FBXW7: variants seen among roughly 807,000 people sequenced by gnomAD.
FBXW7 encodes the protein F-box/WD repeat-containing protein 7.
A neutral mutation model predicts 86.3 loss-of-function variants in FBXW7; 11 were observed. The observed-to-expected ratio is 0.13, with a 90% CI of 0.08 to 0.21. The LOEUF is 0.21. Ranked by LOEUF, FBXW7 falls within the 10% of genes least tolerant of loss-of-function variation. The probability of loss-of-function intolerance (pLI) is 1.00; values close to 1 mark genes in which losing one functional copy is unlikely to be tolerated. For missense variants in FBXW7, 488 were observed against 847.4 expected (o/e 0.58, Z 5.27); for synonymous variants, 313 against 297.9 (o/e 1.05, Z -0.52).
chr4:152,490,018 G>C (rs1745688710), intron 2 of FBXW7, among the ~76,000 whole-genome samples: 1 of 152,092 alleles, frequency 6.6e-6, no homozygotes, highest in Non-Finnish European at 1.5e-5. Flanking sequence ...AATGGAACTA[G>C]AAGTCGCTAC....
intron 2 of FBXW7, among the ~76,000 whole-genome samples, chr4:152,431,454 G>A (rs1055236301): frequency 6.6e-6 from 1 of 152,120 alleles, no homozygotes; most frequent in Non-Finnish European, 1.5e-5. Flanking sequence ...AAAGCACAGG[G>A]GATTCAGCTA....
chr4:152,462,945 A>G (rs1332230035), intron 2 of FBXW7, among the ~76,000 whole-genome samples: 1 of 143,812 alleles, frequency 7.0e-6, no homozygotes, highest in Non-Finnish European at 1.5e-5. Flanking sequence ...TTAATCTCAC[A>G]TAGTACACTG....
At chr4:152,384,743 G>A (rs1202137621) in intron 4 of FBXW7, among the ~76,000 whole-genome samples, 1 of 151,866 alleles carries the variant, frequency 6.6e-6, no homozygotes, top group Non-Finnish European at 1.5e-5. Context: ...GATTGAAAAT[G>A]GAATAATCAT....
intron 7 of FBXW7, 59 bp from the exon 8 acceptor site, chr4:152,332,778 T>C: frequency 1.2e-6 from 1 of 812,146 alleles, no homozygotes; most frequent in Non-Finnish European, 1.6e-6. Context: ...TATTATATAA[T>C]AAGTTAATTA....
rs2126548342 is a variant in FBXW7, at chr4:152,332,638, C to T, written c.943G>A (p.Ala315Thr). The T allele has an allele frequency of 6.2e-7, 1 of 1,606,552 alleles. No individual in the cohort carries two copies. Among genetic ancestry groups the T allele is most frequent in the South Asian group, 1.1e-5 (1 of 90,744 alleles). Residue 315 changes from alanine (A) to threonine (T), a missense_variant, in exon 8 of 14, where the codon GCT (alanine) becomes ACT (threonine). Physicochemically the swap from Ala to Thr is moderately conservative, Grantham distance 58. Around this residue, in one of 4 missense-constraint regions of FBXW7, gnomAD observed 59 missense variants for 137.9 expected, o/e 0.43. Transcript: ENST00000281708. ...AQTCRYWRIL[A>T]EDNLLWREKC... The stretch of plus-strand genomic sequence containing the variant: ...TCTCTCCAGAGAAGGTTGTCTTCAG[C>T]CAAAATTCTCCAGTAGCGACATGTC...
At chr4:152,355,096 GAAT>G (rs1732239566) in intron 4 of FBXW7, among the ~76,000 whole-genome samples, 1 of 152,020 alleles carries the variant, frequency 6.6e-6, no homozygotes. Context: ...CAAATTAACA[GAAT>G]AAAAATGATT....
intron 2 of FBXW7, among the ~76,000 whole-genome samples, chr4:152,453,760 T>C (rs1488151937): frequency 6.6e-6 from 1 of 152,118 alleles, no homozygotes; most frequent in Non-Finnish European, 1.5e-5. Flanking sequence ...TGAACAAAAT[T>C]TGAATTTTTT....
intron 4 of FBXW7, among the ~76,000 whole-genome samples, chr4:152,403,948 AG>A (rs1737179471): frequency 6.6e-6 from 1 of 152,258 alleles, no homozygotes; most frequent in Non-Finnish European, 1.5e-5. Context: ...AACTCTTCAA[AG>A]AAAACAATAA....
intron 2 of FBXW7, among the ~76,000 whole-genome samples, chr4:152,494,867 G>A (rs1746178362): frequency 6.6e-6 from 1 of 152,134 alleles, no homozygotes; most frequent in Non-Finnish European, 1.5e-5. Context: ...TAATCTATAA[G>A]ATAGGAGATG....
At chr4:152,391,291 C>CGTA (rs1318472101) in intron 4 of FBXW7, among the ~76,000 whole-genome samples, 1 of 151,974 alleles carries the variant, frequency 6.6e-6, no homozygotes, top group Non-Finnish European at 1.5e-5. Flanking sequence ...CAGTTGATAC[C>CGTA]ACTGGCCTTT....
chr4:152,355,073 TCTAA>T (rs1220845608), intron 4 of FBXW7, among the ~76,000 whole-genome samples: 1 of 152,114 alleles, frequency 6.6e-6, no homozygotes, highest in African/African-American at 2.4e-5. Flanking sequence ...CAACTAAGCT[TCTAA>T]CTGAATTTCA....
At chr4:152,415,161 A>G (rs1201778515) in intron 2 of FBXW7, among the ~76,000 whole-genome samples, 1 of 152,182 alleles carries the variant, frequency 6.6e-6, no homozygotes, top group Non-Finnish European at 1.5e-5. Context: ...AGCCTGTCTT[A>G]TATTGAACTA....
intron 2 of FBXW7, among the ~76,000 whole-genome samples, chr4:152,490,241 T>G (rs904507970): frequency 8.6e-5 from 13 of 151,956 alleles, no homozygotes; most frequent in African/African-American, 3.1e-4. Flanking sequence ...CTTCTGGAAA[T>G]GGACAGAGAT....
At chr4:152,337,466 T>C (rs1346508571) in intron 7 of FBXW7, among the ~76,000 whole-genome samples, 1 of 151,942 alleles carries the variant, frequency 6.6e-6, no homozygotes, top group African/African-American at 2.4e-5. Context: ...CTATCATGAA[T>C]ATACCAAGAT....
intron 7 of FBXW7, among the ~76,000 whole-genome samples, chr4:152,335,877 T>C (rs908312692): frequency 6.6e-6 from 1 of 152,202 alleles, no homozygotes; most frequent in African/African-American, 2.4e-5. Flanking sequence ...GGTATTCACT[T>C]ATAAAGACAA....
At chr4:152,499,837 A>G (rs886184741) in intron 2 of FBXW7, among the ~76,000 whole-genome samples, 1 of 152,154 alleles carries the variant, frequency 6.6e-6, no homozygotes, top group African/African-American at 2.4e-5. Flanking sequence ...TTTTTTGCTC[A>G]TACAGATAAA....
In FBXW7 at chr4:152,512,610, T is replaced by C. The variant is rs182475361; in HGVS notation, c.-120+22331A>G. Among the ~76,000 whole-genome samples, 4 of 152,230 alleles carry C rather than the reference T, an allele frequency of 2.6e-5. No homozygotes were observed. The East Asian group carries it at 7.7e-4, about 29-fold the overall frequency. ...ACAACACAGAAGAACACTGAAAACA[T>C]CGTGTTACGTGAAAGAAGCCAAACA... On this transcript the variant is annotated intron_variant, in intron 2 of 13. Coordinates refer to ENST00000281708, the MANE Select transcript of FBXW7 (RefSeq NM_001349798.2).
chr4:152,401,180 C>T (rs1736894202), intron 4 of FBXW7, among the ~76,000 whole-genome samples: 1 of 152,214 alleles, frequency 6.6e-6, no homozygotes, highest in Admixed American at 6.5e-5. Flanking sequence ...CCTGGAATCA[C>T]ACTCCTTGGC....
chr4:152,481,061 T>C lies in FBXW7; in HGVS notation c.-120+53880A>G, dbSNP rs572316441. Among the ~76,000 whole-genome samples, 20 of 152,288 alleles carry C rather than the reference T, an allele frequency of 1.3e-4. No homozygotes were observed. The South Asian group carries it at 1.7e-3, about 13-fold the overall frequency. Reference sequence around the variant, plus strand: ...AGAAGCCATGTAGTACTTTCCTAGCTAGAAACGATAAGTCAATACCTGGCT... The same window carrying C: ...AGAAGCCATGTAGTACTTTCCTAGCCAGAAACGATAAGTCAATACCTGGCT... On this transcript the variant is annotated intron_variant, in intron 2 of 13. Coordinates refer to ENST00000281708, the MANE Select transcript of FBXW7 (RefSeq NM_001349798.2).
Sources: allele counts gnomAD v4.1 joint callset (sites outside exome capture counted in the v4.1 genomes callset), GRCh38; gene constraint gnomAD v4.1.1; regional missense constraint gnomAD v4.1.1; transcripts MANE v1.5; gene names NCBI Gene and HGNC (gene_info 2026-07-23, HGNC 2026-07-21).